The following KIAA1958 variants were observed in gnomAD, a reference collection of about 807,000 sequenced individuals.
KIAA1958 encodes the protein KIAA1958.
KIAA1958 carries 14 observed loss-of-function variants against 47.2 expected under a neutral mutation model. That is an observed-to-expected ratio of 0.30 (90% confidence interval 0.20 to 0.46). The LOEUF (loss-of-function observed/expected upper bound fraction) is 0.46, where lower values mean the gene tolerates loss of function less well. Among genes scored for constraint, KIAA1958 ranks in the 20% least tolerant of loss-of-function variants. The probability of loss-of-function intolerance (pLI) is 1.00; values close to 1 mark genes in which losing one functional copy is unlikely to be tolerated. For synonymous variants in KIAA1958, 354 were observed against 353.3 expected (o/e 1.00, Z -0.02); for missense variants, 803 against 909.2 (o/e 0.88, Z 1.50).
At chr9:112,606,100 G>A (rs1391862752) in intron 2 of KIAA1958, among the ~76,000 whole-genome samples, 1 of 152,148 alleles carries the variant, frequency 6.6e-6, no homozygotes, top group African/African-American at 2.4e-5. Context: ...GAGGTAGCTC[G>A]GCAGGACCTG....
intron 2 of KIAA1958, chr9:112,582,510 C>T (rs976778935): frequency 6.5e-6 from 1 of 153,984 alleles, no homozygotes; most frequent in Non-Finnish European, 1.5e-5. Context: ...TTCAGCAGCT[C>T]AGGGAAACAT....
At chr9:112,592,916 G>T (rs1407469015) in intron 2 of KIAA1958, among the ~76,000 whole-genome samples, 1 of 152,120 alleles carries the variant, frequency 6.6e-6, no homozygotes, top group Non-Finnish European at 1.5e-5. Context: ...TTTTGCTACT[G>T]TTGTGCTAAA....
intron 1 of KIAA1958, among the ~76,000 whole-genome samples, chr9:112,530,689 A>G (rs1176016717): frequency 1.3e-5 from 2 of 152,252 alleles, no homozygotes; most frequent in Non-Finnish European, 2.9e-5. Flanking sequence ...ATCATATTAG[A>G]GAATTTTTAC....
intron 1 of KIAA1958, among the ~76,000 whole-genome samples, chr9:112,531,070 A>T (rs1367630206): frequency 6.6e-6 from 1 of 152,368 alleles, no homozygotes; most frequent in Middle Eastern, 3.4e-3. Flanking sequence ...TGGAAATAGT[A>T]ATTTTTAGTC....
intron 1 of KIAA1958, among the ~76,000 whole-genome samples, chr9:112,503,143 G>A (rs952022158): frequency 1.3e-5 from 2 of 152,164 alleles, no homozygotes; most frequent in African/African-American, 2.4e-5. Context: ...AAAAAAGCAG[G>A]AAAGGGGGAT....
intron 1 of KIAA1958, among the ~76,000 whole-genome samples, chr9:112,499,201 A>T (rs1312229708): frequency 6.6e-6 from 1 of 151,804 alleles, no homozygotes; most frequent in Non-Finnish European, 1.5e-5. Flanking sequence ...TACAATAAAC[A>T]TGGTGGTGGA....
chr9:112,659,244 C>T lies in KIAA1958; in HGVS notation c.1345-19C>T, dbSNP rs776290678. 1.4e-5 allele frequency: 22 copies of T among 1,596,096 alleles called. No homozygotes were observed. Among genetic ancestry groups the T allele is most frequent in the African/African-American group, 2.7e-5 (2 of 74,626 alleles). ...GTGTGAGTGTCAAGTGTGTAACCTC[C>T]GTGTTTGTCTCATTTGAGATCCCTG... On this transcript the variant is annotated intron_variant, in intron 3 of 3. Transcript: ENST00000337530.
In KIAA1958 at chr9:112,560,198, C is replaced by CTTTTTT. The variant is rs745805478; in HGVS notation, c.-24-13855_-24-13850dup. Among the ~76,000 whole-genome samples the CTTTTTT allele has an allele frequency of 4.2e-4, 46 of 108,608 alleles. 1 individual carries two copies. The highest frequency in any genetic ancestry group is 5.7e-4 in the Non-Finnish European group (31 of 53,920). The allele number at this position is 108,608 out of a possible 152,430, so 71.3% of individuals were successfully genotyped here. On this transcript the variant is annotated intron_variant, in intron 1 of 3. Coordinates refer to ENST00000337530, the MANE Select transcript of KIAA1958 (RefSeq NM_133465.4). Reference sequence around the variant, plus strand: ...TTGAAGCTGCTTTTTTTTTCTTTTTCTTTTTTTTTCTTTTTTTGAAGAGAT... The same window carrying CTTTTTT: ...TTGAAGCTGCTTTTTTTTTCTTTTTCTTTTTTTTTTTTTTTCTTTTTTTGAAGAGAT...
chr9:112,656,735 A>G (rs1253456364), intron 3 of KIAA1958, among the ~76,000 whole-genome samples: 3 of 152,162 alleles, frequency 2.0e-5, no homozygotes, highest in Non-Finnish European at 2.9e-5. Flanking sequence ...AACAATATAC[A>G]TCTTTGACAA....
chr9:112,501,375 C>G (rs1232149567), intron 1 of KIAA1958, among the ~76,000 whole-genome samples: 1 of 151,798 alleles, frequency 6.6e-6, no homozygotes, highest in East Asian at 1.9e-4. Context: ...CCCAGGAGTT[C>G]AAGGCCATGG....
At chr9:112,514,987 G>GC in intron 1 of KIAA1958, among the ~76,000 whole-genome samples, 1 of 100,476 alleles carries the variant, frequency 1.0e-5, no homozygotes, top group Admixed American at 8.7e-5. Flanking sequence ...GGAGGTGGGG[G>GC]GGTCGGCCCC....
intron 1 of KIAA1958, among the ~76,000 whole-genome samples, chr9:112,556,364 G>A (rs1008572281): frequency 2.6e-5 from 4 of 152,104 alleles, no homozygotes; most frequent in Admixed American, 2.6e-4. Flanking sequence ...ACTGGGGTTC[G>A]GTTTGAAAGT....
In KIAA1958 at chr9:112,521,808, A is replaced by G. The variant is rs141795904; in HGVS notation, c.-25+34690A>G. On this transcript the variant is annotated intron_variant, in intron 1 of 3. Transcript: ENST00000337530. ...TTTCTTCTAATTTAGTTTTTTAAAA[A>G]AATCAATAGGATACATTCTCTTGTT... 2.8e-3 allele frequency among the ~76,000 whole-genome samples: 423 copies of G among 152,186 alleles called. 2 individuals are homozygous for G. The highest frequency in any genetic ancestry group is 9.6e-3 in the African/African-American group (398 of 41,530).
At chr9:112,635,404 C>G (rs1262764360) in intron 2 of KIAA1958, among the ~76,000 whole-genome samples, 3 of 152,036 alleles carry the variant, frequency 2.0e-5, no homozygotes, top group African/African-American at 7.3e-5. Context: ...TGCATGCCAC[C>G]ACACCTGCCT....
intron 1 of KIAA1958, among the ~76,000 whole-genome samples, chr9:112,569,077 A>G (rs1010286041): frequency 5.3e-5 from 8 of 151,412 alleles, no homozygotes; most frequent in African/African-American, 1.5e-4. Flanking sequence ...GAAGTGTTGC[A>G]TCTTGATGAA....
intron 2 of KIAA1958, 24 bp downstream of exon 2, chr9:112,575,275 A>G (rs766577232): frequency 6.9e-7 from 1 of 1,457,124 alleles, no homozygotes; most frequent in Non-Finnish European, 9.2e-7. Context: ...GGCGACAGTG[A>G]GTCCCTCATC....
At chr9:112,559,243 A>G (rs1422592166) in intron 1 of KIAA1958, among the ~76,000 whole-genome samples, 1 of 152,190 alleles carries the variant, frequency 6.6e-6, no homozygotes, top group Admixed American at 6.5e-5. Flanking sequence ...ATTAATTTGT[A>G]TATTAATTGT....
intron 1 of KIAA1958, among the ~76,000 whole-genome samples, chr9:112,565,492 C>T (rs1236374830): frequency 6.6e-6 from 1 of 152,158 alleles, no homozygotes; most frequent in Non-Finnish European, 1.5e-5. Flanking sequence ...GGAAGTGCCA[C>T]CTGAAGTTAT....
At chr9:112,645,524 T>C in intron 2 of KIAA1958, 126 bp from the exon 3 acceptor site, 1 of 632,958 alleles carries the variant, frequency 1.6e-6, no homozygotes, top group Non-Finnish European at 2.7e-6. Context: ...ACATATACTT[T>C]AATAGACATT....
Sources: gnomAD v4.1 joint callset for allele counts (sites outside exome capture counted in the v4.1 genomes callset) on GRCh38, gnomAD v4.1.1 for gene constraint, MANE v1.5 for transcripts, NCBI Gene and HGNC (gene_info 2026-07-23, HGNC 2026-07-21) for gene names.